RBM5: variants seen among roughly 807,000 people sequenced by gnomAD.
The protein encoded by RBM5 is RNA binding motif protein 5.
A neutral mutation model predicts 124.6 loss-of-function variants in RBM5; 15 were observed. The observed-to-expected ratio is 0.12, with a 90% CI of 0.08 to 0.19. The LOEUF (loss-of-function observed/expected upper bound fraction) is 0.19, where lower values mean the gene tolerates loss of function less well. Among genes scored for constraint, RBM5 ranks in the 10% least tolerant of loss-of-function variants. The pLI is 1.00. For synonymous variants in RBM5, 337 were observed against 361.2 expected (o/e 0.93, Z 0.76); for missense variants, 580 against 1,026.5 (o/e 0.57, Z 5.94).
intron 4 of RBM5, among the ~76,000 whole-genome samples, chr3:50,099,095 A>G (rs981710305): frequency 6.6e-6 from 1 of 152,076 alleles, no homozygotes; most frequent in Non-Finnish European, 1.5e-5. Flanking sequence ...TCTCTACAAA[A>G]AATACAAAAA....
intron 7 of RBM5, 116 bp from the exon 8 acceptor site, chr3:50,104,132 T>G: frequency 1.2e-6 from 1 of 809,356 alleles, no homozygotes; most frequent in Non-Finnish European, 2.1e-6. Context: ...CTCAGCTACG[T>G]GAGACTTTCT....
chr3:50,103,055 G>C, intron 6 of RBM5, 28 bp from the exon 7 acceptor site: 1 of 1,520,344 alleles, frequency 6.6e-7, no homozygotes, highest in East Asian at 2.3e-5. Flanking sequence ...CTCACAATGG[G>C]AATAACTAAT....
At position 50,099,874 on chromosome 3, in the gene RBM5, TAA is replaced by T. The variant is rs148796424; in HGVS notation, c.340-95_340-94del. ...GAGTGAGAGACAGAGACTCCCATCTTAAAAAAAAAAAAAACTTGGCTAATTAA... is the reference window on the plus strand; with the variant it reads ...GAGTGAGAGACAGAGACTCCCATCTTAAAAAAAAAAAACTTGGCTAATTAA... On this transcript the variant is annotated intron_variant, in intron 4 of 24. Coordinates refer to ENST00000347869, the MANE Select transcript of RBM5 (RefSeq NM_005778.4). 3.6e-3 allele frequency: 2,822 copies of T among 793,528 alleles called. 11 individuals are homozygous for T. The highest frequency in any genetic ancestry group is 0.02 in the African/African-American group (1,055 of 53,608). 49.2% of individuals were successfully genotyped at this position (793,528 alleles called of 1,614,324 possible). A position where few individuals can be genotyped will look rare whatever the true frequency, so the allele number is the denominator to read the frequency against.
At position 50,108,216 on chromosome 3, in the gene RBM5, G is replaced by A; in HGVS notation, c.1120-16G>A. Reference sequence around the variant, plus strand: ...GTGTCTGAGAATAGCAGCTTTAATGGTGGACTTTTCTTCAGTATTCACAGG... The same window carrying A: ...GTGTCTGAGAATAGCAGCTTTAATGATGGACTTTTCTTCAGTATTCACAGG... On this transcript the variant is annotated splice_polypyrimidine_tract_variant and intron_variant, in intron 13 of 24. Transcript: ENST00000347869. 6.2e-7 allele frequency: 1 copy of A among 1,610,892 alleles called. No homozygotes were observed. Among genetic ancestry groups the A allele is most frequent in the Non-Finnish European group, 8.5e-7 (1 of 1,177,060 alleles).
chr3:50,091,808 C>A (rs1248687914), intron 2 of RBM5, among the ~76,000 whole-genome samples: 2 of 152,108 alleles, frequency 1.3e-5, no homozygotes, highest in African/African-American at 4.8e-5. Flanking sequence ...AATATTCAAC[C>A]CAAATGTTTA....
chr3:50,116,069 G>T, intron 22 of RBM5, 89 bp downstream of exon 22: 2 of 1,290,734 alleles, frequency 1.5e-6, no homozygotes, highest in Non-Finnish European at 2.2e-6. Context: ...GATCCCAGGG[G>T]CAGGGTAGGA....
intron 3 of RBM5, 53 bp from the exon 4 acceptor site, chr3:50,093,667 G>GT (rs2090751209): frequency 1.4e-5 from 22 of 1,557,590 alleles, no homozygotes; most frequent in Non-Finnish European, 1.8e-5. Flanking sequence ...TGGAGGGTCT[G>GT]TTTCAAAGAG....
intron 6 of RBM5, chr3:50,101,304 G>A (rs934304950): frequency 6.6e-5 from 10 of 152,082 alleles, no homozygotes; most frequent in Non-Finnish European, 8.8e-5. Flanking sequence ...AACATTTTTT[G>A]CAAGAACTCC....
rs2109024004 is a variant in RBM5 at position 50,118,473 on chromosome 3, G to GAGAA, written c.*20_*21insAAGA. On this transcript the variant is annotated 3_prime_UTR_variant, in exon 25 of 25. Coordinates refer to ENST00000347869, the MANE Select transcript of RBM5 (RefSeq NM_005778.4). ...ATGGAGTGAGAGAGAGAGAGAGAGA[G>GAGAA]AGATGACAAGGAGCACAAGAAGTGG... The GAGAA allele has an allele frequency of 1.2e-6, 2 of 1,605,954 alleles. No homozygotes were observed. The highest frequency in any genetic ancestry group is 4.5e-5 in the East Asian group (2 of 44,784).
chr3:50,105,200 A>T, intron 9 of RBM5, 58 bp downstream of exon 9: 1 of 1,387,150 alleles, frequency 7.2e-7, no homozygotes, highest in East Asian at 2.3e-5. Context: ...AGTTGTCAGG[A>T]GATGGAGACC....
Position 50,114,164 on chromosome 3 carries a change from G to A in RBM5, c.1768-16G>A, listed in dbSNP as rs755219691. The A allele has an allele frequency of 3.7e-6, 6 of 1,612,714 alleles. No individual in the cohort carries two copies. The highest frequency in any genetic ancestry group is 5.1e-6 in the Non-Finnish European group (6 of 1,179,788). On this transcript the variant is annotated splice_polypyrimidine_tract_variant and intron_variant, in intron 19 of 24. Transcript: ENST00000347869. ...ACCTAAAACTTGAGTCTCATGGCTT[G>A]TCCTCTGTTTCCCAGGGAGCCTTAG...
Position 50,115,472 on chromosome 3 carries a change from G to T in RBM5, c.1884G>T (p.Glu628Asp). 1.2e-6 allele frequency: 2 copies of T among 1,614,104 alleles called. No homozygotes were observed. The highest frequency in any genetic ancestry group is 8.5e-7 in the Non-Finnish European group (1 of 1,180,008). Residue 628 changes from glutamate to aspartate, a missense_variant, in exon 21 of 25, where the codon GAG (glutamate) becomes GAT (aspartate). Coordinates refer to ENST00000347869, the MANE Select transcript of RBM5 (RefSeq NM_005778.4). ...ACAGTGGTGACAGTGACAATGAGGA[G>T]GAGCTGGTGGAGAGACTTGAGAGTG... The part of the protein sequence containing the change: ...AAYSGDSDNE[E>D]ELVERLESEE...
chr3:50,093,969 G>A, intron 4 of RBM5, 94 bp downstream of exon 4: 1 of 1,398,694 alleles, frequency 7.1e-7, no homozygotes, highest in Non-Finnish European at 9.8e-7. Context: ...TTTATCTTAA[G>A]CCAATAGAGG....
At chr3:50,091,650 C>T (rs1263084690) in intron 2 of RBM5, among the ~76,000 whole-genome samples, 3 of 152,180 alleles carry the variant, frequency 2.0e-5, no homozygotes, top group Non-Finnish European at 4.4e-5. Context: ...TACTTAATTT[C>T]ACCCTTTAAA....
chr3:50,117,447 C>T lies in RBM5; in HGVS notation c.2322+68C>T. On this transcript the variant is annotated intron_variant, in intron 24 of 24. Transcript: ENST00000347869. This position sits in a 1 kb window ranked among gnomAD's most constrained non-coding sequence, Gnocchi z 4.2. ...GCCGGTTCCAGAGATGAGATCAGAG[C>T]ACTCATAGAGCCTGGGAGCCAGGAG... 1 of 1,595,514 alleles carries T rather than the reference C, an allele frequency of 6.3e-7. No individual in the cohort carries two copies. Among genetic ancestry groups the T allele is most frequent in the Non-Finnish European group, 8.6e-7 (1 of 1,168,920 alleles).
Position 50,117,412 on chromosome 3 carries a change from A to T in RBM5, c.2322+33A>T. On this transcript the variant is annotated intron_variant, in intron 24 of 24. Coordinates refer to ENST00000347869, the MANE Select transcript of RBM5 (RefSeq NM_005778.4). The surrounding 1 kb of genome is among the most constrained non-coding windows in gnomAD (Gnocchi z 4.2). ...GTGGGGTCAGGTCTTGATGTTTGCC[A>T]GGCTTACAGGCCGGTTCCAGAGATG... 6.2e-7 allele frequency: 1 copy of T among 1,610,868 alleles called. No homozygotes were observed. Among genetic ancestry groups the T allele is most frequent in the East Asian group, 2.2e-5 (1 of 44,822 alleles).
At chr3:50,089,368 A>G (rs1270023062) in intron 1 of RBM5, among the ~76,000 whole-genome samples, 1 of 152,214 alleles carries the variant, frequency 6.6e-6, no homozygotes, top group Non-Finnish European at 1.5e-5. Flanking sequence ...TCTGGCCGCC[A>G]TCCCCCGCTC....
At chr3:50,096,385 G>A (rs1450615102) in intron 4 of RBM5, among the ~76,000 whole-genome samples, 1 of 151,638 alleles carries the variant, frequency 6.6e-6, no homozygotes, top group African/African-American at 2.4e-5. Flanking sequence ...TTACTTGGGA[G>A]ACTGAGGCAG....
intron 6 of RBM5, 61 bp from the exon 7 acceptor site, chr3:50,103,022 C>G: frequency 7.4e-7 from 1 of 1,346,198 alleles, no homozygotes; most frequent in Non-Finnish European, 1.1e-6. Context: ...TGTGCTCTGC[C>G]CTGGGAAAAT....
Sources: allele counts gnomAD v4.1 joint callset (sites outside exome capture counted in the v4.1 genomes callset), GRCh38; gene constraint gnomAD v4.1.1; non-coding constraint Gnocchi (gnomAD v3.1); transcripts MANE v1.5; gene names NCBI Gene and HGNC (gene_info 2026-07-23, HGNC 2026-07-21).